Variants in TIMM23 observed in about 807,000 individuals in gnomAD.
The protein encoded by TIMM23 is mitochondrial import inner membrane translocase subunit Tim23.
A neutral mutation model predicts 30.7 loss-of-function variants in TIMM23; 19 were observed. The observed-to-expected ratio is 0.62, with a 90% CI of 0.43 to 0.91. The LOEUF (loss-of-function observed/expected upper bound fraction) is 0.91. Among genes scored for constraint, TIMM23 ranks in the 40% least tolerant of loss-of-function variants. The probability of loss-of-function intolerance (pLI) is 0.00; values close to 1 mark genes in which losing one functional copy is unlikely to be tolerated. For missense variants in TIMM23, 202 were observed against 269.2 expected, an observed-to-expected ratio of 0.75 and a Z score of 1.75; for synonymous variants, 78 against 98.5, an observed-to-expected ratio of 0.79 and a Z score of 1.23.
In TIMM23 at chr10:45,973,796, A is replaced by G. The variant is rs1427075028; in HGVS notation, c.106+1066A>G. Among the ~76,000 whole-genome samples, 94 of 146,478 alleles carry G rather than the reference A, an allele frequency of 6.4e-4. No individual in the cohort carries two copies. In the South Asian group the frequency reaches 0.017, roughly 26 times the overall value. ...GTAGCTGGGACTCTAGGTACGTACC[A>G]CCACGCCTGGCTAATTTTTTTTTTT... On this transcript the variant is annotated intron_variant, in intron 1 of 6. Coordinates refer to ENST00000580018, the MANE Select transcript of TIMM23 (RefSeq NM_006327.4).
chr10:45,992,374 C>T (rs1211650893), intron 6 of TIMM23: 2 of 455,178 alleles, frequency 4.4e-6, no homozygotes, highest in Non-Finnish European at 8.8e-6. Context: ...AGGAATTGTC[C>T]TAGATCTCTT....
At chr10:45,994,055 C>G (rs1300216517) in intron 6 of TIMM23, among the ~76,000 whole-genome samples, 15 of 151,916 alleles carry the variant, frequency 9.9e-5, no homozygotes, top group Admixed American at 1.3e-4. Context: ...AAAGGAAATA[C>G]GAAATGCTGG....
chr10:45,987,883 A>G (rs28622371), intron 5 of TIMM23, among the ~76,000 whole-genome samples: 5 of 151,960 alleles, frequency 3.3e-5, no homozygotes, highest in Admixed American at 1.3e-4. Context: ...CGGCCTCCCA[A>G]AGTGCTGGGA....
At chr10:46,000,263 T>C (rs1838486663) in intron 6 of TIMM23, among the ~76,000 whole-genome samples, 2 of 152,210 alleles carry the variant, frequency 1.3e-5, no homozygotes, top group Non-Finnish European at 2.9e-5. Context: ...AATTTATGTT[T>C]AGAGATTGCA....
intron 6 of TIMM23, among the ~76,000 whole-genome samples, chr10:45,993,819 CGAAAT>C (rs1590126834): frequency 6.7e-6 from 1 of 149,914 alleles, no homozygotes; most frequent in African/African-American, 2.5e-5. Context: ...GTCTCCATCT[CGAAAT>C]GAAATGAGAT....
chr10:45,994,738 G>A (rs1279516921), intron 6 of TIMM23, among the ~76,000 whole-genome samples: 16 of 148,022 alleles, frequency 1.1e-4, no homozygotes, highest in Middle Eastern at 3.5e-3. Flanking sequence ...CACCGCGCCC[G>A]GCCCCCTCTT....
chr10:45,997,548 A>G (rs1253797937), intron 6 of TIMM23, among the ~76,000 whole-genome samples: 3 of 152,302 alleles, frequency 2.0e-5, no homozygotes, highest in Admixed American at 6.5e-5. Flanking sequence ...ACCGTGGCTC[A>G]CGCCTGTAGT....
intron 5 of TIMM23, among the ~76,000 whole-genome samples, chr10:45,986,750 G>A (rs1340835905): frequency 2.0e-5 from 3 of 152,048 alleles, no homozygotes; most frequent in Non-Finnish European, 4.4e-5. Flanking sequence ...GTTATAATAC[G>A]TGAGAATCAA....
Position 45,999,645 on chromosome 10 carries a change from C to CCT in TIMM23, c.515-3558_515-3557insCT, listed in dbSNP as rs1564912050. Among the ~76,000 whole-genome samples, 420 of 152,200 alleles carry CCT rather than the reference C, an allele frequency of 2.8e-3. 1 individual carries two copies. Among genetic ancestry groups the CCT allele is most frequent in the East Asian group, 0.021 (111 of 5,174 alleles). On this transcript the variant is annotated intron_variant, in intron 6 of 6. Transcript: ENST00000580018. Reference sequence around the variant, plus strand: ...GGGCGAGATCATAGGACTACAGGACCAGGGCGAAATTAAAATTGCTAATGA... The same window carrying CCT: ...GGGCGAGATCATAGGACTACAGGACCCTAGGGCGAAATTAAAATTGCTAATGA...
intron 2 of TIMM23, among the ~76,000 whole-genome samples, chr10:45,976,661 C>A (rs1837681615): frequency 6.6e-6 from 1 of 151,968 alleles, no homozygotes; most frequent in Non-Finnish European, 1.5e-5. Context: ...CTGTTAAATG[C>A]CATCTACAGA....
At chr10:45,983,909 A>C (rs1189543768) in intron 4 of TIMM23, among the ~76,000 whole-genome samples, 2 of 151,962 alleles carry the variant, frequency 1.3e-5, no homozygotes, top group Admixed American at 6.6e-5. Context: ...ATGCCCAGTT[A>C]ATTTTTTAAT....
intron 6 of TIMM23, among the ~76,000 whole-genome samples, chr10:46,000,891 C>T (rs1158157251): frequency 6.6e-6 from 1 of 152,238 alleles, no homozygotes; most frequent in Admixed American, 6.5e-5. Context: ...GTGAGGGCAC[C>T]TTGGCTATTG....
Position 45,982,418 on chromosome 10 carries a change from A to G in TIMM23, c.166-105A>G, listed in dbSNP as rs1313146935. 5.3e-6 allele frequency: 6 copies of G among 1,136,352 alleles called. No homozygotes were observed. The East Asian group carries it at 9.7e-5, about 18-fold the overall frequency. The allele number at this position is 1,136,352 out of a possible 1,614,324, so 70.4% of individuals were successfully genotyped here. Reference sequence around the variant, plus strand: ...TTAAGTATAGGTTTGAGTTAATTTAAGGTTTATTTTCTGTGAAAAACTACT... The same window carrying G: ...TTAAGTATAGGTTTGAGTTAATTTAGGGTTTATTTTCTGTGAAAAACTACT... On this transcript the variant is annotated intron_variant, in intron 2 of 6. Transcript: ENST00000580018.
chr10:45,999,442 G>A (rs1838452397), intron 6 of TIMM23, among the ~76,000 whole-genome samples: 1 of 152,168 alleles, frequency 6.6e-6, no homozygotes, highest in Non-Finnish European at 1.5e-5. Context: ...AAATTTTAAA[G>A]CTGGGCATCC....
intron 1 of TIMM23, 71 bp from the exon 2 acceptor site, chr10:45,975,383 G>C (rs1564902532): frequency 5.2e-6 from 8 of 1,549,470 alleles, no homozygotes; most frequent in Non-Finnish European, 1.8e-6. Flanking sequence ...TAACAGTCAG[G>C]AGCTGGATTA....
At chr10:46,000,982 T>C (rs1838514212) in intron 6 of TIMM23, among the ~76,000 whole-genome samples, 1 of 152,232 alleles carries the variant, frequency 6.6e-6, no homozygotes, top group South Asian at 2.1e-4. Flanking sequence ...ACACTCAAAA[T>C]TAGATCTAAT....
At chr10:45,993,025 G>A (rs1590125772) in intron 6 of TIMM23, among the ~76,000 whole-genome samples, 1 of 152,140 alleles carries the variant, frequency 6.6e-6, no homozygotes, top group East Asian at 1.9e-4. Flanking sequence ...TACCTCAAAT[G>A]CTGCATCATC....
chr10:45,977,838 C>T (rs1232862401), intron 2 of TIMM23, among the ~76,000 whole-genome samples: 3 of 151,922 alleles, frequency 2.0e-5, no homozygotes, highest in African/African-American at 7.3e-5. Flanking sequence ...TCGAGACCAG[C>T]CTGGCCAACA....
At chr10:45,993,380 G>A (rs1554916182) in intron 6 of TIMM23, among the ~76,000 whole-genome samples, 1 of 151,362 alleles carries the variant, frequency 6.6e-6, no homozygotes, top group African/African-American at 2.4e-5. Context: ...ATCCTCCCGA[G>A]TAGCTGGAAT....
Sources: allele counts gnomAD v4.1 joint callset (sites outside exome capture counted in the v4.1 genomes callset), GRCh38; gene constraint gnomAD v4.1.1; transcripts MANE v1.5; gene names NCBI Gene and HGNC (gene_info 2026-07-23, HGNC 2026-07-21).